The following LCOR variants were observed in gnomAD, a reference collection of about 807,000 sequenced individuals.
LCOR encodes ligand-dependent corepressor.
LCOR carries 14 observed loss-of-function variants against 64.4 expected under a neutral mutation model. The observed-to-expected ratio is 0.22, with a 90% CI of 0.14 to 0.34. LCOR has a LOEUF of 0.34. LCOR is among the 10% of genes least tolerant of loss of function. The pLI is 1.00. For missense variants in LCOR, 1,686 were observed against 1,765.3 expected (o/e 0.96, Z 0.80); for synonymous variants, 643 against 642.5 (o/e 1.00, Z -0.01).
intron 7 of LCOR, among the ~76,000 whole-genome samples, chr10:96,966,408 T>G (rs1847951591): frequency 6.6e-6 from 1 of 151,872 alleles, no homozygotes; most frequent in Non-Finnish European, 1.5e-5. Flanking sequence ...TTTTGTATTT[T>G]TAGTAGAAAC....
chr10:96,943,099 CTTTTT>C (rs1054614128), intron 4 of LCOR, among the ~76,000 whole-genome samples: 12 of 49,750 alleles, frequency 2.4e-4, no homozygotes, highest in African/African-American at 4.3e-4. Context: ...TTCTGACCTA[CTTTTT>C]TTTGTTTGTT....
chr10:96,961,389 A>G (rs1008416690), intron 7 of LCOR: 1 of 152,108 alleles, frequency 6.6e-6, no homozygotes, highest in South Asian at 2.1e-4. Context: ...TATTATTTGA[A>G]TGTGGAAATG....
At chr10:96,978,260 A>G (rs1800073509) in intron 7 of LCOR, among the ~76,000 whole-genome samples, 1 of 152,136 alleles carries the variant, frequency 6.6e-6, no homozygotes, top group African/African-American at 2.4e-5. Context: ...CCTAACAATC[A>G]CTCATCCAAG....
intron 2 of LCOR, among the ~76,000 whole-genome samples, chr10:96,874,716 C>T (rs1846134981): frequency 6.6e-6 from 1 of 151,806 alleles, no homozygotes; most frequent in Non-Finnish European, 1.5e-5. Flanking sequence ...TGGCTCACTG[C>T]AACCTTTGCC....
At chr10:96,961,104 G>A (rs910410109) in intron 7 of LCOR, 1 of 152,054 alleles carries the variant, frequency 6.6e-6, no homozygotes, top group African/African-American at 2.4e-5. Flanking sequence ...TAAAAATTCT[G>A]CCCTATAATA....
At chr10:96,849,765 C>T (rs995676762) in intron 2 of LCOR, among the ~76,000 whole-genome samples, 5 of 151,624 alleles carry the variant, frequency 3.3e-5, no homozygotes, top group Admixed American at 1.3e-4. Context: ...GCCCTCAAAG[C>T]GTAATAAGAT....
intron 6 of LCOR, among the ~76,000 whole-genome samples, chr10:96,950,746 A>G (rs149742523): frequency 6.6e-6 from 1 of 152,286 alleles, no homozygotes. Context: ...TTTTCAGCCA[A>G]AAACCACAAT....
intron 2 of LCOR, among the ~76,000 whole-genome samples, chr10:96,889,710 A>C (rs2134430643): frequency 6.6e-6 from 1 of 152,348 alleles, no homozygotes; most frequent in South Asian, 2.1e-4. Flanking sequence ...GGAGTGACAT[A>C]AACTTTGAGT....
chr10:96,876,065 CT>C (rs1846159584), intron 2 of LCOR, among the ~76,000 whole-genome samples: 1 of 151,396 alleles, frequency 6.6e-6, no homozygotes, highest in South Asian at 2.1e-4. Context: ...ATTTTTTCCC[CT>C]ATCATATTGT....
In LCOR at chr10:96,982,333, C is replaced by T. The variant is rs756790371; in HGVS notation, c.1873C>T (p.Pro625Ser). The change falls in exon 8 of 8, where the codon CCT becomes TCT. Residue 625 changes from proline to serine, a missense_variant. This residue lies in a region of LCOR where 1,293 missense variants were observed against 1,410.4 expected (regional missense o/e 0.92). Transcript: ENST00000421806. ...GGTGTGGCCTCTCCCTGCTCACCTT[C>T]CTGAAGAGGACCTGCCAGAAGGTGG... ...SLVWPLPAHLPEEDLPEGGST... is the reference protein window; with the variant it reads ...SLVWPLPAHLSEEDLPEGGST... 7 of 1,614,234 alleles carry T rather than the reference C, an allele frequency of 4.3e-6. No individual in the cohort carries two copies. In the Middle Eastern group the frequency reaches 6.6e-4, roughly 152 times the overall value.
intron 4 of LCOR, among the ~76,000 whole-genome samples, chr10:96,928,818 A>G (rs1047196113): frequency 2.0e-5 from 3 of 152,236 alleles, no homozygotes; most frequent in Admixed American, 1.3e-4. Flanking sequence ...TCTTGGATAC[A>G]TGGGCTGCAG....
chr10:96,924,704 T>TA (rs1847138402), intron 4 of LCOR, among the ~76,000 whole-genome samples: 1 of 152,176 alleles, frequency 6.6e-6, no homozygotes, highest in Non-Finnish European at 1.5e-5. Context: ...AATTACTACT[T>TA]ACAACGCAGG....
chr10:96,966,240 T>G (rs1847949440), intron 7 of LCOR, among the ~76,000 whole-genome samples: 1 of 140,462 alleles, frequency 7.1e-6, no homozygotes, highest in Non-Finnish European at 1.6e-5. Flanking sequence ...TTTTTTTTTT[T>G]TTTTTTGAGA....
At chr10:96,942,434 AAG>A (rs1204121884) in intron 4 of LCOR, among the ~76,000 whole-genome samples, 17 of 147,624 alleles carry the variant, frequency 1.2e-4, no homozygotes, top group South Asian at 6.6e-4. Flanking sequence ...GAGACCGTGG[AAG>A]GAGACCGTGG....
intron 2 of LCOR, 34 bp downstream of exon 2, chr10:96,833,513 G>A: frequency 2.2e-6 from 2 of 901,708 alleles, no homozygotes; most frequent in African/African-American, 1.8e-5. Flanking sequence ...CGCTCCGCCC[G>A]CCGCCCCCTA....
chr10:96,976,483 AC>A (rs1310385804), intron 7 of LCOR, among the ~76,000 whole-genome samples: 9 of 152,130 alleles, frequency 5.9e-5, no homozygotes, highest in Non-Finnish European at 1.3e-4. Flanking sequence ...ATACATTCCT[AC>A]CTACCTGTGG....
chr10:96,916,547 A>G (rs1390896981), intron 4 of LCOR, among the ~76,000 whole-genome samples: 1 of 151,170 alleles, frequency 6.6e-6, no homozygotes, highest in African/African-American at 2.4e-5. Context: ...TATAGTTTCT[A>G]TCAAGAGTGA....
At chr10:96,910,907 A>G (rs186339754) in intron 4 of LCOR, among the ~76,000 whole-genome samples, 11 of 152,340 alleles carry the variant, frequency 7.2e-5, no homozygotes, top group Admixed American at 4.6e-4. Context: ...TTTACCTTTA[A>G]AAACACGTAG....
At chr10:96,969,384 A>C (rs773857790) in intron 7 of LCOR, among the ~76,000 whole-genome samples, 1 of 152,226 alleles carries the variant, frequency 6.6e-6, no homozygotes, top group Admixed American at 6.5e-5. Flanking sequence ...CAAACCATTA[A>C]TTATTGTTTC....
Sources: gnomAD v4.1 joint callset for allele counts (sites outside exome capture counted in the v4.1 genomes callset) on GRCh38, gnomAD v4.1.1 for gene constraint, gnomAD v4.1.1 regional missense constraint, MANE v1.5 for transcripts, NCBI Gene and HGNC (gene_info 2026-07-23, HGNC 2026-07-21) for gene names.